PRKCE: variants seen among roughly 807,000 people sequenced by gnomAD.
PRKCE encodes protein kinase C epsilon.
PRKCE carries 16 observed loss-of-function variants against 85.4 expected under a neutral mutation model. The observed-to-expected ratio is 0.19, with a 90% CI of 0.13 to 0.28. The LOEUF (loss-of-function observed/expected upper bound fraction) is 0.28, where lower values mean the gene tolerates loss of function less well. Among genes scored for constraint, PRKCE ranks in the 10% least tolerant of loss-of-function variants. The pLI, the probability that PRKCE is intolerant of heterozygous loss-of-function variation, is 1.00. For synonymous variants in PRKCE, 388 were observed against 371.5 expected (o/e 1.04, Z -0.51); for missense variants, 573 against 975.2 (o/e 0.59, Z 5.49).
chr2:46,030,593 C>T (rs1240841423), intron 10 of PRKCE, among the ~76,000 whole-genome samples: 1 of 152,158 alleles, frequency 6.6e-6, no homozygotes, highest in South Asian at 2.1e-4. Flanking sequence ...GCTATTGCAT[C>T]TTTCAGGTGT....
intron 9 of PRKCE, among the ~76,000 whole-genome samples, chr2:46,009,233 A>G (rs1205164554): frequency 6.6e-6 from 1 of 152,218 alleles, no homozygotes; most frequent in Non-Finnish European, 1.5e-5. Context: ...CTACATAAAG[A>G]TACATGATTC....
chr2:45,679,140 C>A (rs1334189257), intron 1 of PRKCE, among the ~76,000 whole-genome samples: 1 of 152,086 alleles, frequency 6.6e-6, no homozygotes, highest in Non-Finnish European at 1.5e-5. Context: ...AAAATTTCAT[C>A]CTGAAAGGAT....
At chr2:45,740,864 A>G (rs1682500896) in intron 1 of PRKCE, among the ~76,000 whole-genome samples, 2 of 152,370 alleles carry the variant, frequency 1.3e-5, no homozygotes, top group African/African-American at 2.4e-5. Context: ...CATGCAGATT[A>G]CAGAGTGGTT....
chr2:45,941,259 C>G (rs1470754514), intron 2 of PRKCE, among the ~76,000 whole-genome samples: 1 of 152,100 alleles, frequency 6.6e-6, no homozygotes, highest in Non-Finnish European at 1.5e-5. Flanking sequence ...AGATCAGACC[C>G]AGACCTCAAG....
intron 10 of PRKCE, among the ~76,000 whole-genome samples, chr2:46,023,069 G>A (rs566056097): frequency 1.0e-3 from 132 of 125,828 alleles, no homozygotes; most frequent in African/African-American, 3.9e-3. Flanking sequence ...CGTCCTGGGC[G>A]ACAGAGCGAG....
chr2:46,000,708 G>C (rs1704609879), intron 6 of PRKCE, among the ~76,000 whole-genome samples: 1 of 152,106 alleles, frequency 6.6e-6, no homozygotes, highest in Admixed American at 6.5e-5. Flanking sequence ...GTCCCCCTTA[G>C]AGTTTTTGAC....
At chr2:46,083,809 C>A (rs1669329114) in intron 10 of PRKCE, among the ~76,000 whole-genome samples, 1 of 152,160 alleles carries the variant, frequency 6.6e-6, no homozygotes, top group South Asian at 2.1e-4. Context: ...GTTTAAGAGT[C>A]TTTGTTCTTG....
chr2:45,996,051 T>C (rs1045186173), intron 6 of PRKCE, among the ~76,000 whole-genome samples: 3 of 152,224 alleles, frequency 2.0e-5, no homozygotes, highest in African/African-American at 7.2e-5. Flanking sequence ...GGTTTTGTAG[T>C]TCTACTTATA....
Position 45,972,755 on chromosome 2 carries a change from G to T in PRKCE, c.413-3674G>T, listed in dbSNP as rs552144821. On this transcript the variant is annotated intron_variant, in intron 2 of 14. Coordinates refer to ENST00000306156, the MANE Select transcript of PRKCE (RefSeq NM_005400.3). ...ATTGTATATTCTTGGCACTCTTGTT[G>T]AAGATCAGTTGACTCTTCTTGGCTT... Among the ~76,000 whole-genome samples the T allele has an allele frequency of 2.6e-5, 4 of 152,304 alleles. No homozygotes were observed. The East Asian group carries it at 5.8e-4, about 22-fold the overall frequency.
At chr2:46,010,213 AC>A in intron 9 of PRKCE, 130 bp from the exon 10 acceptor site, 1 of 1,065,460 alleles carries the variant, frequency 9.4e-7, no homozygotes, top group Non-Finnish European at 1.3e-6. Flanking sequence ...ATGCCACCAC[AC>A]CAGGCTTGTT....
intron 10 of PRKCE, among the ~76,000 whole-genome samples, chr2:46,022,011 T>A (rs1284206880): frequency 6.6e-6 from 1 of 152,162 alleles, no homozygotes; most frequent in Non-Finnish European, 1.5e-5. Flanking sequence ...CCTAGTGGTC[T>A]GAAATACTTC....
chr2:45,926,887 T>C (rs2103995056), intron 2 of PRKCE, among the ~76,000 whole-genome samples: 1 of 152,160 alleles, frequency 6.6e-6, no homozygotes, highest in East Asian at 1.9e-4. Context: ...TGGTGAGAAG[T>C]ATAGAATGTG....
intron 10 of PRKCE, among the ~76,000 whole-genome samples, chr2:46,038,822 CAG>C (rs1428441508): frequency 3.3e-5 from 5 of 152,136 alleles, no homozygotes; most frequent in Non-Finnish European, 7.4e-5. Context: ...AGAGGAATGA[CAG>C]AAGATTTAGC....
intron 1 of PRKCE, among the ~76,000 whole-genome samples, chr2:45,770,382 G>A (rs1685219301): frequency 6.6e-6 from 1 of 152,166 alleles, no homozygotes; most frequent in Non-Finnish European, 1.5e-5. Context: ...TCAAAAGTGT[G>A]CATATTGCCT....
At chr2:46,016,369 A>G (rs1297423735) in intron 10 of PRKCE, among the ~76,000 whole-genome samples, 1 of 152,220 alleles carries the variant, frequency 6.6e-6, no homozygotes, top group East Asian at 1.9e-4. Flanking sequence ...CTGGCCGGTC[A>G]GAGAAAGATC....
chr2:45,873,208 AG>A (rs1694227042), intron 2 of PRKCE, among the ~76,000 whole-genome samples: 1 of 152,236 alleles, frequency 6.6e-6, no homozygotes, highest in African/African-American at 2.4e-5. Context: ...AGCTTAAGAC[AG>A]TCCATGAACT....
chr2:46,068,259 T>C lies in PRKCE; in HGVS notation c.1438-17949T>C, dbSNP rs1667793624. ...CTATCTAACTTACGAGCATGCCTAC[T>C]CTGTTAGGTCCAGTAAAGGATTCAG... On this transcript the variant is annotated intron_variant, in intron 10 of 14. Coordinates refer to ENST00000306156, the MANE Select transcript of PRKCE (RefSeq NM_005400.3). The surrounding 1 kb of genome is among the most constrained non-coding windows in gnomAD (Gnocchi z 4.3). Among the ~76,000 whole-genome samples the C allele has an allele frequency of 6.6e-6, 1 of 152,172 alleles. No individual in the cohort carries two copies. Among genetic ancestry groups the C allele is most frequent in the South Asian group, 2.1e-4 (1 of 4,824 alleles).
Position 45,651,986 on chromosome 2 carries a change from G to C in PRKCE, c.-115G>C. On this transcript the variant is annotated 5_prime_UTR_variant, in exon 1 of 15. Coordinates refer to ENST00000306156, the MANE Select transcript of PRKCE (RefSeq NM_005400.3). ...CCACAAGGTGTAGGGAGTGTGCGGG[G>C]TGGGGCGAAAGGGGACCCAAGAGTC... The C allele has an allele frequency of 1.2e-6, 1 of 803,924 alleles. No individual in the cohort carries two copies. Among genetic ancestry groups the C allele is most frequent in the South Asian group, 1.7e-5 (1 of 58,490 alleles). 49.8% of individuals were successfully genotyped at this position (803,924 alleles called of 1,614,324 possible).
chr2:45,733,950 C>T (rs1681814026), intron 1 of PRKCE, among the ~76,000 whole-genome samples: 1 of 152,186 alleles, frequency 6.6e-6, no homozygotes, highest in Non-Finnish European at 1.5e-5. Context: ...GTCTTAGCTT[C>T]AAGGAAAACC....
Sources: gnomAD v4.1 joint callset for allele counts (sites outside exome capture counted in the v4.1 genomes callset) on GRCh38, gnomAD v4.1.1 for gene constraint, Gnocchi (gnomAD v3.1) non-coding constraint, MANE v1.5 for transcripts, NCBI Gene and HGNC (gene_info 2026-07-23, HGNC 2026-07-21) for gene names.